Variants in JMY observed in about 807,000 individuals in gnomAD.
The protein encoded by JMY is junction-mediating and -regulatory protein.
JMY carries 46 observed loss-of-function variants against 103.3 expected under a neutral mutation model. The ratio of observed to expected loss-of-function variants is 0.45; its 90% CI spans 0.35 to 0.57. JMY has a LOEUF of 0.57. Among genes scored for constraint, JMY ranks in the 20% least tolerant of loss-of-function variants. JMY has a pLI of 0.00. For synonymous variants in JMY, 526 were observed against 489.3 expected (o/e 1.07, Z -0.99); for missense variants, 1,238 against 1,255.2 (o/e 0.99, Z 0.21).
In JMY at chr5:79,316,263, G is replaced by A; in HGVS notation, c.2923G>A (p.Glu975Lys). ...RRIKEASPES[E>K]DEEEALPCTD... is the part of the protein sequence containing the mutation. ...AATTAAAGAAGCATCCCCAGAGTCA[G>A]AGGACGAAGAGGAGGCTTTACCTTG... Residue 975 changes from glutamate to lysine, a missense_variant, in exon 10 of 11, where the codon GAG (glutamate) becomes AAG (lysine). By Grantham distance (56) the Glu-to-Lys change is moderately conservative (BLOSUM62 1). Transcript: ENST00000396137. 6.2e-7 allele frequency: 1 copy of A among 1,613,362 alleles called. No individual in the cohort carries two copies. Among genetic ancestry groups the A allele is most frequent in the Admixed American group, 1.7e-5 (1 of 59,942 alleles).
At position 79,325,888 on chromosome 5, in the gene JMY, G is replaced by A. The variant is rs1442568954; in HGVS notation, c.*4286G>A. The A allele has an allele frequency of 1.3e-5, 2 of 152,084 alleles. No individual in the cohort carries two copies. Among genetic ancestry groups the A allele is most frequent in the East Asian group, 1.9e-4 (1 of 5,200 alleles). 9.4% of individuals were successfully genotyped at this position (152,084 alleles called of 1,614,324 possible). On this transcript the variant is annotated 3_prime_UTR_variant, in exon 11 of 11. Transcript: ENST00000396137. Reference sequence around the variant, plus strand: ...GAGTCTAGATTCGGCGAGAGTGTGCGTTTGTGTGTGTGAATGTATGAAAAG... The same window carrying A: ...GAGTCTAGATTCGGCGAGAGTGTGCATTTGTGTGTGTGAATGTATGAAAAG...
intron 6 of JMY, among the ~76,000 whole-genome samples, chr5:79,303,259 A>G (rs1017838144): frequency 1.3e-5 from 2 of 152,038 alleles, no homozygotes; most frequent in Admixed American, 6.6e-5. Flanking sequence ...TTATAGAGAC[A>G]GGGGCTCACT....
intron 6 of JMY, 138 bp from the exon 7 acceptor site, chr5:79,306,237 C>A: frequency 3.2e-6 from 2 of 615,912 alleles, no homozygotes; most frequent in South Asian, 2.1e-5. Flanking sequence ...TTCAGTTGTC[C>A]AAATAAGAAA....
At chr5:79,241,229 G>C (rs1744731653) in intron 1 of JMY, among the ~76,000 whole-genome samples, 1 of 152,162 alleles carries the variant, frequency 6.6e-6, no homozygotes, top group Non-Finnish European at 1.5e-5. Flanking sequence ...CAAGGTCCTT[G>C]GCTTTGACAA....
In JMY at chr5:79,326,666, A is replaced by T. The variant is rs536684658; in HGVS notation, c.*5064A>T. 2.0e-5 allele frequency: 3 copies of T among 152,332 alleles called. No homozygotes were observed. Among genetic ancestry groups the T allele is most frequent in the African/African-American group, 7.2e-5 (3 of 41,588 alleles). 9.4% of individuals were successfully genotyped at this position (152,332 alleles called of 1,614,324 possible). On this transcript the variant is annotated 3_prime_UTR_variant, in exon 11 of 11. Transcript: ENST00000396137. ...ATTTTGCATGAATAATTAATTGCCC[A>T]TTAGGGCTAAGGAGACTGACATGAT...
rs1268606469 is a variant in JMY, at chr5:79,236,834, G to A, written c.184G>A (p.Ala62Thr). The part of the protein sequence containing the change: ...QRQRSGSREQ[A>T]GARGGAEAGG... ...GCAGAGGAGCGGCTCCCGGGAGCAA[G>A]CGGGGGCGCGAGGGGGCGCCGAGGC... The change falls in exon 1 of 11, where the codon GCG becomes ACG. Residue 62 changes from alanine to threonine, a missense_variant. By Grantham distance (58) the Ala-to-Thr change is moderately conservative (BLOSUM62 0). Transcript: ENST00000396137. The A allele has an allele frequency of 6.8e-7, 1 of 1,461,352 alleles. No homozygotes were observed. The highest frequency in any genetic ancestry group is 9.1e-7 in the Non-Finnish European group (1 of 1,101,432). The allele number at this position is 1,461,352 out of a possible 1,614,324, so 90.5% of individuals were successfully genotyped here. A position where few individuals can be genotyped will look rare whatever the true frequency, so the allele number is the denominator to read the frequency against.
At chr5:79,295,538 T>C (rs1240038400) in intron 4 of JMY, among the ~76,000 whole-genome samples, 1 of 152,256 alleles carries the variant, frequency 6.6e-6, no homozygotes, top group African/African-American at 2.4e-5. Context: ...TTGTATGTTA[T>C]GTTTTGTGCC....
intron 1 of JMY, among the ~76,000 whole-genome samples, chr5:79,266,811 T>C (rs7703127): frequency 0.033 from 4,993 of 152,292 alleles, 96 homozygotes; most frequent in South Asian, 0.062. Context: ...AAAAACCGCC[T>C]GTTAACAAAG....
intron 7 of JMY, among the ~76,000 whole-genome samples, chr5:79,310,665 A>G (rs1747019440): frequency 6.6e-6 from 1 of 152,216 alleles, no homozygotes; most frequent in Admixed American, 6.5e-5. Context: ...TGAATTAAAT[A>G]TGCAAGACTA....
Position 79,324,464 on chromosome 5 carries a change from A to G in JMY, c.*2862A>G, listed in dbSNP as rs1229393318. On this transcript the variant is annotated 3_prime_UTR_variant, in exon 11 of 11. Transcript: ENST00000396137. ...AATTTCCAATCTAGTCTCAACTGCA[A>G]TGCATTTAAAATAGGTAAAACAAGT... The G allele has an allele frequency of 1.3e-5, 2 of 152,220 alleles. No individual in the cohort carries two copies. The highest frequency in any genetic ancestry group is 2.9e-5 in the Non-Finnish European group (2 of 68,030). 9.4% of individuals were successfully genotyped at this position (152,220 alleles called of 1,614,324 possible). A position where few individuals can be genotyped will look rare whatever the true frequency, so the allele number is the denominator to read the frequency against.
chr5:79,266,140 G>C (rs1304862109), intron 1 of JMY, among the ~76,000 whole-genome samples: 1 of 152,176 alleles, frequency 6.6e-6, no homozygotes, highest in Non-Finnish European at 1.5e-5. Context: ...CTGTCCATGT[G>C]TGTAGTCTTA....
Position 79,240,758 on chromosome 5 carries a change from C to T in JMY, c.1032+3076C>T, listed in dbSNP as rs191971759. On this transcript the variant is annotated intron_variant, in intron 1 of 10. Coordinates refer to ENST00000396137, the MANE Select transcript of JMY (RefSeq NM_152405.5). Reference sequence around the variant, plus strand: ...ATTGATTGGTGATGTCTGCCATGGGCATGATAATGAAAGTGTATAGGATGC... The same window carrying T: ...ATTGATTGGTGATGTCTGCCATGGGTATGATAATGAAAGTGTATAGGATGC... 1.8e-4 allele frequency among the ~76,000 whole-genome samples: 28 copies of T among 152,256 alleles called. No individual in the cohort carries two copies. The East Asian group carries it at 5.0e-3, about 27-fold the overall frequency.
At chr5:79,302,042 C>CAAG (rs1181362215) in intron 6 of JMY, among the ~76,000 whole-genome samples, 31 of 135,806 alleles carry the variant, frequency 2.3e-4, no homozygotes, top group Admixed American at 8.1e-4. Flanking sequence ...AAGATGGCAC[C>CAAG]ATTGCACTCC....
chr5:79,309,551 T>C (rs1746984602), intron 7 of JMY, among the ~76,000 whole-genome samples: 1 of 152,168 alleles, frequency 6.6e-6, no homozygotes, highest in Non-Finnish European at 1.5e-5. Flanking sequence ...AACATGACCA[T>C]ATCTCTGTAT....
chr5:79,293,145 T>C (rs1259048170), intron 4 of JMY, among the ~76,000 whole-genome samples: 1 of 152,252 alleles, frequency 6.6e-6, no homozygotes, highest in East Asian at 1.9e-4. Context: ...TTCTTCTTGA[T>C]GTGACAAAAT....
intron 3 of JMY, among the ~76,000 whole-genome samples, chr5:79,290,541 G>A (rs951868645): frequency 2.0e-5 from 3 of 151,950 alleles, no homozygotes; most frequent in Admixed American, 6.6e-5. Flanking sequence ...CAGAATTAAT[G>A]CTTTCCTGGA....
chr5:79,268,288 T>C (rs894660050), intron 1 of JMY, among the ~76,000 whole-genome samples: 7 of 152,192 alleles, frequency 4.6e-5, no homozygotes, highest in East Asian at 3.9e-4. Flanking sequence ...AAGACTGTTA[T>C]GGTGTCTCCC....
At chr5:79,290,401 T>C in intron 3 of JMY, 130 bp downstream of exon 3, 1 of 467,616 alleles carries the variant, frequency 2.1e-6, no homozygotes, top group Non-Finnish European at 3.5e-6. Context: ...AGAAAACCAC[T>C]ATTAGCAAAT....
chr5:79,303,865 T>C (rs1320625114), intron 6 of JMY, among the ~76,000 whole-genome samples: 2 of 151,834 alleles, frequency 1.3e-5, no homozygotes, highest in African/African-American at 4.8e-5. Flanking sequence ...ATCTTGGTGG[T>C]CTGAGAAGGG....
Sources: allele counts gnomAD v4.1 joint callset (sites outside exome capture counted in the v4.1 genomes callset), GRCh38; gene constraint gnomAD v4.1.1; transcripts MANE v1.5; gene names NCBI Gene and HGNC (gene_info 2026-07-23, HGNC 2026-07-21).